Variants in LPAR3 observed in about 807,000 individuals in gnomAD.
LPAR3 encodes LPA receptor 3.
LPAR3 carries 7 observed loss-of-function variants against 17.8 expected under a neutral mutation model. That is an observed-to-expected ratio of 0.39 (90% CI 0.22 to 0.74). The LOEUF (loss-of-function observed/expected upper bound fraction) is 0.74, where lower values mean the gene tolerates loss of function less well. Ranked by LOEUF, LPAR3 falls within the 30% of genes least tolerant of loss-of-function variation. The pLI, the probability that LPAR3 is intolerant of heterozygous loss-of-function variation, is 0.40. For synonymous variants in LPAR3, 179 were observed against 179.9 expected, an observed-to-expected ratio of 0.99 and a Z score of 0.04; for missense variants, 391 against 453.4, an observed-to-expected ratio of 0.86 and a Z score of 1.25.
chr1:84,892,963 G>T (rs974312606), intron 1 of LPAR3, 53 bp downstream of exon 1: 1 of 152,270 alleles, frequency 6.6e-6, no homozygotes, highest in Non-Finnish European at 1.5e-5. Flanking sequence ...CACGACGCAC[G>T]CCCTGGTGAC....
intron 1 of LPAR3, among the ~76,000 whole-genome samples, chr1:84,884,346 T>C (rs573648915): frequency 2.0e-5 from 3 of 152,342 alleles, no homozygotes; most frequent in African/African-American, 7.2e-5. Flanking sequence ...AAGTAAAAAT[T>C]GCCTTGCTGA....
chr1:84,850,325 C>T (rs56105173), intron 2 of LPAR3, among the ~76,000 whole-genome samples: 1,779 of 131,088 alleles, frequency 0.014, 16 homozygotes, highest in South Asian at 0.038. Flanking sequence ...GGGAGGCTGA[C>T]GTGGGAGAAT....
chr1:84,858,580 G>C (rs989804814), intron 2 of LPAR3, among the ~76,000 whole-genome samples: 2 of 151,652 alleles, frequency 1.3e-5, no homozygotes, highest in East Asian at 3.9e-4. Flanking sequence ...GCCCATCTAA[G>C]GCCAAGATGG....
At chr1:84,828,668 C>T (rs1659215967) in intron 2 of LPAR3, among the ~76,000 whole-genome samples, 1 of 152,122 alleles carries the variant, frequency 6.6e-6, no homozygotes, top group African/African-American at 2.4e-5. Flanking sequence ...GTCCCATGGC[C>T]ACCCCCTCCA....
intron 2 of LPAR3, among the ~76,000 whole-genome samples, chr1:84,840,202 T>C (rs919399946): frequency 1.4e-4 from 21 of 152,214 alleles, no homozygotes; most frequent in African/African-American, 4.6e-4. Flanking sequence ...TGGAATTACA[T>C]GTATGAGCCG....
chr1:84,814,897 C>T (rs1051554161), intron 2 of LPAR3, among the ~76,000 whole-genome samples: 5 of 152,050 alleles, frequency 3.3e-5, no homozygotes, highest in Admixed American at 6.5e-5. Flanking sequence ...GAATATGAAC[C>T]GTAGTCTCTT....
At chr1:84,866,691 A>C (rs1660057244) in intron 1 of LPAR3, among the ~76,000 whole-genome samples, 2 of 152,192 alleles carry the variant, frequency 1.3e-5, no homozygotes, top group South Asian at 4.1e-4. Flanking sequence ...CCATTCACAT[A>C]ACCAAACAGA....
chr1:84,844,709 T>C (rs541487989), intron 2 of LPAR3, among the ~76,000 whole-genome samples: 2 of 152,214 alleles, frequency 1.3e-5, no homozygotes, highest in Non-Finnish European at 2.9e-5. Flanking sequence ...AATATTCGTA[T>C]GTTGTCAAGC....
chr1:84,859,422 T>C (rs894225896), intron 2 of LPAR3, among the ~76,000 whole-genome samples: 1 of 152,154 alleles, frequency 6.6e-6, no homozygotes, highest in African/African-American at 2.4e-5. Flanking sequence ...AAGCCCTAAG[T>C]CCCTTAACAA....
At chr1:84,864,965 G>A (rs184363312) in intron 2 of LPAR3, among the ~76,000 whole-genome samples, 316 of 151,848 alleles carry the variant, frequency 2.1e-3, no homozygotes, top group Non-Finnish European at 3.4e-3. Context: ...TGTGCTTACC[G>A]CTTCTCCCAC....
At chr1:84,892,762 G>T (rs1660576341) in intron 1 of LPAR3, among the ~76,000 whole-genome samples, 1 of 152,238 alleles carries the variant, frequency 6.6e-6, no homozygotes, top group African/African-American at 2.4e-5. Flanking sequence ...ACGCAACGCC[G>T]ATTTTGCATC....
intron 2 of LPAR3, among the ~76,000 whole-genome samples, chr1:84,859,030 C>T (rs1659884158): frequency 6.6e-6 from 1 of 152,088 alleles, no homozygotes; most frequent in Admixed American, 6.5e-5. Flanking sequence ...GGGGGAAGCG[C>T]AAATAATTCA....
chr1:84,824,928 A>G (rs1205043729), intron 2 of LPAR3, among the ~76,000 whole-genome samples: 1 of 152,230 alleles, frequency 6.6e-6, no homozygotes, highest in Non-Finnish European at 1.5e-5. Flanking sequence ...GTGCTTAGCC[A>G]AATGCTATAC....
At chr1:84,872,400 G>A (rs1660171593) in intron 1 of LPAR3, among the ~76,000 whole-genome samples, 1 of 152,146 alleles carries the variant, frequency 6.6e-6, no homozygotes, top group African/African-American at 2.4e-5. Flanking sequence ...CACCTGAGCA[G>A]ACCAGTCAGG....
intron 2 of LPAR3, among the ~76,000 whole-genome samples, chr1:84,859,854 C>T (rs1430555989): frequency 6.6e-6 from 1 of 152,208 alleles, no homozygotes; most frequent in Non-Finnish European, 1.5e-5. Context: ...AATAACAAAA[C>T]ATTTCTGTGT....
chr1:84,843,100 C>A (rs1046547114), intron 2 of LPAR3, among the ~76,000 whole-genome samples: 4 of 152,194 alleles, frequency 2.6e-5, no homozygotes, highest in Admixed American at 2.6e-4. Flanking sequence ...GTCAATCAAG[C>A]CTGGGGTGGG....
At chr1:84,889,945 T>C (rs1386871464) in intron 1 of LPAR3, among the ~76,000 whole-genome samples, 1 of 152,206 alleles carries the variant, frequency 6.6e-6, no homozygotes, top group Non-Finnish European at 1.5e-5. Flanking sequence ...GAAAAAAACT[T>C]AAACATGACA....
At chr1:84,865,288 T>C in intron 2 of LPAR3, 97 bp downstream of exon 2, 1 of 1,337,298 alleles carries the variant, frequency 7.5e-7, no homozygotes, top group Admixed American at 2.7e-5. Flanking sequence ...CACTGCTGCA[T>C]TCTTACTGCC....
chr1:84,852,976 C>T (rs1037604739), intron 2 of LPAR3, among the ~76,000 whole-genome samples: 5 of 152,012 alleles, frequency 3.3e-5, no homozygotes, highest in Non-Finnish European at 7.4e-5. Context: ...AAAAAATCAG[C>T]GGGGCACACT....
Sources: gnomAD v4.1 joint callset for allele counts (sites outside exome capture counted in the v4.1 genomes callset) on GRCh38, gnomAD v4.1.1 for gene constraint, MANE v1.5 for transcripts, NCBI Gene and HGNC (gene_info 2026-07-23, HGNC 2026-07-21) for gene names.